The following NAALADL2 variants were observed in gnomAD, a reference collection of about 807,000 sequenced individuals.
NAALADL2 encodes inactive N-acetylated-alpha-linked acidic dipeptidase-like protein 2.
Under a neutral mutation model 87.2 loss-of-function variants are expected in NAALADL2, and 76 were observed. The observed-to-expected ratio is 0.87, with a 90% CI of 0.72 to 1.05. The LOEUF (loss-of-function observed/expected upper bound fraction) is 1.05. Ranked by LOEUF, NAALADL2 falls within the 50% of genes least tolerant of loss-of-function variation. The pLI, the probability that NAALADL2 is intolerant of heterozygous loss-of-function variation, is 0.00. For synonymous variants in NAALADL2, 354 were observed against 331.0 expected (o/e 1.07, Z -0.75); for missense variants, 1,089 against 945.8 (o/e 1.15, Z -1.99).
At chr3:175,538,016 T>A (rs1318877682) in intron 9 of NAALADL2, among the ~76,000 whole-genome samples, 1 of 152,178 alleles carries the variant, frequency 6.6e-6, no homozygotes, top group Non-Finnish European at 1.5e-5. Context: ...AATTGTGATT[T>A]TCAGATACCT....
chr3:175,494,577 A>G lies in NAALADL2; in HGVS notation c.1653+22819A>G, dbSNP rs573167659. Among the ~76,000 whole-genome samples the G allele has an allele frequency of 1.5e-4, 23 of 152,232 alleles. 1 individual carries two copies. In the South Asian group the frequency reaches 4.8e-3, roughly 32 times the overall value. On this transcript the variant is annotated intron_variant, in intron 9 of 13. Coordinates refer to ENST00000454872, the MANE Select transcript of NAALADL2 (RefSeq NM_207015.3). Reference sequence around the variant, plus strand: ...AGTTACCAGTATCATCTCAGAGTATAGCATAAGTTCAGTATATTCCGACTC... The same window carrying G: ...AGTTACCAGTATCATCTCAGAGTATGGCATAAGTTCAGTATATTCCGACTC...
chr3:175,778,606 A>T (rs1308304763), intron 13 of NAALADL2, among the ~76,000 whole-genome samples: 1 of 152,244 alleles, frequency 6.6e-6, no homozygotes, highest in Non-Finnish European at 1.5e-5. Context: ...TAAGTAACAC[A>T]TATAAAGCTT....
chr3:175,034,373 A>G (rs777736962), intron 1 of NAALADL2, among the ~76,000 whole-genome samples: 15 of 152,178 alleles, frequency 9.9e-5, no homozygotes, highest in Non-Finnish European at 1.9e-4. Flanking sequence ...TTTGTGCTCA[A>G]GTTGAAATAA....
At chr3:174,587,623 C>T (rs570867070) in intron 2 of NAALADL2, among the ~76,000 whole-genome samples, 33 of 152,220 alleles carry the variant, frequency 2.2e-4, no homozygotes, top group African/African-American at 7.7e-4. Flanking sequence ...TTTATTTCTC[C>T]TTCACTTATG....
intron 9 of NAALADL2, among the ~76,000 whole-genome samples, chr3:175,544,739 G>A (rs745682685): frequency 8.6e-5 from 13 of 151,620 alleles, no homozygotes; most frequent in Admixed American, 6.6e-5. Flanking sequence ...TTTTTATACC[G>A]TCTAAGCCCT....
rs1734784785 is a variant in NAALADL2 at position 175,676,393 on chromosome 3, A to G, written c.1896+49007A>G. The G allele has an allele frequency of 2.0e-5, 3 of 152,138 alleles. No homozygotes were observed. In the South Asian group the frequency reaches 6.2e-4, roughly 32 times the overall value. The allele number at this position is 152,138 out of a possible 1,614,324, so 9.4% of individuals were successfully genotyped here. A position where few individuals can be genotyped will look rare whatever the true frequency, so the allele number is the denominator to read the frequency against. On this transcript the variant is annotated intron_variant, in intron 11 of 13. Coordinates refer to ENST00000454872, the MANE Select transcript of NAALADL2 (RefSeq NM_207015.3). ...GATAGTAAGTAGGATGTTCTCCCAG[A>G]TTCAGTCTGACTTACTCCAGTCATA...
chr3:175,216,668 C>CTTTTTTTTTTTTT (rs3067029), intron 2 of NAALADL2, among the ~76,000 whole-genome samples: 3 of 87,314 alleles, frequency 3.4e-5, no homozygotes, highest in African/African-American at 7.5e-5. Flanking sequence ...TTTTTCTTTT[C>CTTTTTTTTTTTTT]TTTTTTTTTT....
chr3:174,932,560 C>CA (rs1449789161), intron 1 of NAALADL2, among the ~76,000 whole-genome samples: 1 of 152,028 alleles, frequency 6.6e-6, no homozygotes, highest in Non-Finnish European at 1.5e-5. Context: ...CATATTAGTT[C>CA]AATATTGATG....
chr3:174,927,500 C>A (rs1736244160), intron 1 of NAALADL2, among the ~76,000 whole-genome samples: 1 of 152,186 alleles, frequency 6.6e-6, no homozygotes, highest in Non-Finnish European at 1.5e-5. Flanking sequence ...GAAATTATAA[C>A]AAACTGTCTC....
intron 3 of NAALADL2, among the ~76,000 whole-genome samples, chr3:174,786,131 C>T (rs1372174211): frequency 1.3e-5 from 2 of 151,992 alleles, no homozygotes; most frequent in Non-Finnish European, 2.9e-5. Context: ...TTGCATGATC[C>T]CTTGCTTAGC....
At chr3:175,199,682 C>G (rs1169304768) in intron 2 of NAALADL2, among the ~76,000 whole-genome samples, 1 of 150,514 alleles carries the variant, frequency 6.6e-6, no homozygotes, top group Admixed American at 6.7e-5. Context: ...TCCCTGGCCT[C>G]CCTGTTTGGC....
At chr3:175,123,016 T>A (rs980752173) in intron 2 of NAALADL2, among the ~76,000 whole-genome samples, 19 of 151,868 alleles carry the variant, frequency 1.3e-4, no homozygotes. Context: ...AATGAACCCA[T>A]TTTCATGATA....
At chr3:175,113,490 CA>C (rs1395132943) in intron 2 of NAALADL2, among the ~76,000 whole-genome samples, 1 of 151,534 alleles carries the variant, frequency 6.6e-6, no homozygotes, top group Non-Finnish European at 1.5e-5. Flanking sequence ...AAGATTCTAT[CA>C]ATGTCTTTGA....
intron 11 of NAALADL2, among the ~76,000 whole-genome samples, chr3:175,639,218 C>A (rs961259813): frequency 6.6e-6 from 1 of 151,830 alleles, no homozygotes; most frequent in Admixed American, 6.6e-5. Flanking sequence ...GCTTCTCTAG[C>A]AAACAGGTGC....
chr3:175,624,694 A>G (rs929344528), intron 10 of NAALADL2, among the ~76,000 whole-genome samples: 1 of 152,072 alleles, frequency 6.6e-6, no homozygotes. Context: ...TGATTAAGGC[A>G]AAAGATATCA....
At chr3:175,768,064 C>T (rs545995779) in intron 13 of NAALADL2, among the ~76,000 whole-genome samples, 1 of 152,246 alleles carries the variant, frequency 6.6e-6, no homozygotes, top group Non-Finnish European at 1.5e-5. Flanking sequence ...CTGACTTGTG[C>T]CATAATTGGT....
At chr3:175,687,237 AATGAG>A (rs1736420100) in intron 11 of NAALADL2, among the ~76,000 whole-genome samples, 1 of 152,316 alleles carries the variant, frequency 6.6e-6, no homozygotes, top group Admixed American at 6.5e-5. Flanking sequence ...AGTATTTAGA[AATGAG>A]ATGTGATTAT....
At chr3:175,738,723 C>A (rs1230872781) in intron 12 of NAALADL2, among the ~76,000 whole-genome samples, 1 of 152,102 alleles carries the variant, frequency 6.6e-6, no homozygotes, top group Non-Finnish European at 1.5e-5. Flanking sequence ...TATTGCTCTC[C>A]TTTTTATATA....
At chr3:174,812,155 T>C (rs964819663) in intron 3 of NAALADL2, among the ~76,000 whole-genome samples, 1 of 152,170 alleles carries the variant, frequency 6.6e-6, no homozygotes, top group Admixed American at 6.5e-5. Flanking sequence ...TTTTTTTTAA[T>C]AGCAGCGTGA....
Sources: allele counts gnomAD v4.1 joint callset (sites outside exome capture counted in the v4.1 genomes callset), GRCh38; gene constraint gnomAD v4.1.1; transcripts MANE v1.5; gene names NCBI Gene and HGNC (gene_info 2026-07-23, HGNC 2026-07-21).